Variants in DZIP3 observed in about 807,000 individuals in gnomAD.
DZIP3 encodes E3 ubiquitin-protein ligase DZIP3.
In DZIP3, 118 loss-of-function variants were observed where a neutral mutation model predicts 162.0. The observed-to-expected ratio is 0.73, with a 90% CI of 0.63 to 0.85. The LOEUF (loss-of-function observed/expected upper bound fraction) is 0.85, where lower values mean the gene tolerates loss of function less well. DZIP3 is among the 40% of genes least tolerant of loss of function. The probability of loss-of-function intolerance (pLI) is 0.00; values close to 1 mark genes in which losing one functional copy is unlikely to be tolerated. For synonymous variants in DZIP3, 438 were observed against 458.6 expected (o/e 0.96, Z 0.57); for missense variants, 1,331 against 1,407.0 (o/e 0.95, Z 0.86).
Position 108,653,505 on chromosome 3 carries a change from GTGTATATATATATATATA to G in DZIP3, c.2034-638_2034-621del, listed in dbSNP as rs1425385255. ...ATTGGTTAATTGCCATTGTGTGTGT[GTGTATATATATATATATA>G]TATATATATATATATATATGTAGTA... On this transcript the variant is annotated intron_variant, in intron 18 of 32. Coordinates refer to ENST00000361582, the MANE Select transcript of DZIP3 (RefSeq NM_014648.4). Among the ~76,000 whole-genome samples the G allele has an allele frequency of 2.4e-4, 16 of 67,838 alleles. 1 individual carries two copies. The highest frequency in any genetic ancestry group is 1.3e-3 in the Admixed American group (10 of 7,798). The allele number at this position is 67,838 out of a possible 152,430, so 44.5% of individuals were successfully genotyped here.
intron 1 of DZIP3, among the ~76,000 whole-genome samples, chr3:108,590,378 A>G (rs1402245269): frequency 6.6e-6 from 1 of 152,218 alleles, no homozygotes; most frequent in Admixed American, 6.5e-5. Flanking sequence ...TTCACTTCAA[A>G]AGAATTTTTT....
intron 32 of DZIP3, among the ~76,000 whole-genome samples, chr3:108,693,013 C>G (rs1305166523): frequency 6.6e-6 from 1 of 150,872 alleles, no homozygotes; most frequent in African/African-American, 2.4e-5. Context: ...GCTGGTGTGC[C>G]TGTCATGTGA....
At chr3:108,661,078 G>A (rs1212181696) in intron 19 of DZIP3, among the ~76,000 whole-genome samples, 3 of 152,170 alleles carry the variant, frequency 2.0e-5, no homozygotes, top group Admixed American at 6.5e-5. Flanking sequence ...TCCATGTGGC[G>A]ATTCCTCAGG....
At chr3:108,689,939 T>A (rs1052922247) in intron 31 of DZIP3, among the ~76,000 whole-genome samples, 12 of 152,340 alleles carry the variant, frequency 7.9e-5, no homozygotes, top group African/African-American at 2.9e-4. Context: ...ATATGATATG[T>A]GGTACCTGGT....
rs773478113 is a variant in DZIP3, at chr3:108,616,587, C to T, written c.305C>T (p.Ala102Val). ...CAGAATGGTGAGGAAATTGTTCCTGCTTTGACTTTACGTTTCTTGATTACA... is the reference window on the plus strand; with the variant it reads ...CAGAATGGTGAGGAAATTGTTCCTGTTTTGACTTTACGTTTCTTGATTACA... ...NSQNGEEIVPALTLRFLITQL... is the reference protein window; with the variant it reads ...NSQNGEEIVPVLTLRFLITQL... The change falls in exon 5 of 33, where the codon GCT becomes GTT. Residue 102 changes from alanine (A) to valine (V), a missense_variant. Physicochemically the swap from Ala to Val is moderately conservative, Grantham distance 64. Transcript: ENST00000361582. 1 of 1,609,280 alleles carries T rather than the reference C, an allele frequency of 6.2e-7. No individual in the cohort carries two copies. The highest frequency in any genetic ancestry group is 8.5e-7 in the Non-Finnish European group (1 of 1,177,964).
At chr3:108,672,372 A>G (rs1455892638) in intron 22 of DZIP3, among the ~76,000 whole-genome samples, 188 bp from the exon 23 acceptor site, 1 of 151,960 alleles carries the variant, frequency 6.6e-6, no homozygotes, top group Non-Finnish European at 1.5e-5. Flanking sequence ...TAAAACTTCT[A>G]TACTCTTGAT....
At chr3:108,639,377 A>C (rs769993374) in intron 12 of DZIP3, among the ~76,000 whole-genome samples, 3 of 152,204 alleles carry the variant, frequency 2.0e-5, no homozygotes, top group African/African-American at 4.8e-5. Flanking sequence ...ACAGGCCACT[A>C]ATTTGGCTAG....
rs116854090 is a variant in DZIP3 at position 108,654,139 on chromosome 3, C to T, written c.2034-6C>T. On this transcript the variant is annotated splice_polypyrimidine_tract_variant and splice_region_variant and intron_variant, in intron 18 of 32. Coordinates refer to ENST00000361582, the MANE Select transcript of DZIP3 (RefSeq NM_014648.4). ...AAAGCTCACATTGATTATGTCACGA[C>T]TACAGCCCATATGTGGTAGAAAAGG... The T allele has an allele frequency of 1.1e-4, 182 of 1,612,364 alleles. No homozygotes were observed. In the East Asian group the frequency reaches 3.5e-3, roughly 31 times the overall value.
In DZIP3 at chr3:108,688,687, G is replaced by A. The variant is rs1226854918; in HGVS notation, c.3365G>A (p.Arg1122Lys). ...DAAQPPKPAW[R>K]PLTSQGPATW... Reference sequence around the variant, plus strand: ...GCCCAGCCCCCAAAACCAGCCTGGAGGCCACTCACTTCACAGGGTCCTGCC... The same window carrying A: ...GCCCAGCCCCCAAAACCAGCCTGGAAGCCACTCACTTCACAGGGTCCTGCC... The change falls in exon 30 of 33, where the codon AGG becomes AAG. Residue 1122 changes from arginine to lysine, a missense_variant. Physicochemically the swap from Arg to Lys is conservative, Grantham distance 26 (BLOSUM62 2). Coordinates refer to ENST00000361582, the MANE Select transcript of DZIP3 (RefSeq NM_014648.4). 3 of 1,614,114 alleles carry A rather than the reference G, an allele frequency of 1.9e-6. No individual in the cohort carries two copies. The highest frequency in any genetic ancestry group is 1.7e-5 in the Admixed American group (1 of 60,024).
intron 18 of DZIP3, among the ~76,000 whole-genome samples, chr3:108,652,000 GT>G (rs962640351): frequency 6.6e-6 from 1 of 151,756 alleles, no homozygotes; most frequent in African/African-American, 2.4e-5. Flanking sequence ...TTTAAGTTGT[GT>G]TTTCACTTTC....
intron 32 of DZIP3, among the ~76,000 whole-genome samples, chr3:108,692,495 A>C (rs1176895519): frequency 6.6e-6 from 1 of 152,232 alleles, no homozygotes; most frequent in Non-Finnish European, 1.5e-5. Context: ...AGACTGTTGA[A>C]CAACTGTTGT....
chr3:108,618,790 C>T (rs143366070), intron 5 of DZIP3, among the ~76,000 whole-genome samples: 23 of 152,068 alleles, frequency 1.5e-4, no homozygotes, highest in African/African-American at 4.1e-4. Context: ...GGGCCGGGCG[C>T]GGTGGCTCAC....
At chr3:108,619,520 C>A (rs1941215430) in intron 5 of DZIP3, among the ~76,000 whole-genome samples, 3 of 151,988 alleles carry the variant, frequency 2.0e-5, no homozygotes. Context: ...GTTCTGAAGG[C>A]TAAGAACCAG....
At chr3:108,674,211 T>C in intron 24 of DZIP3, 30 bp downstream of exon 24, 1 of 1,567,206 alleles carries the variant, frequency 6.4e-7, no homozygotes, top group Non-Finnish European at 8.8e-7. Flanking sequence ...TAATGCATCT[T>C]AATTTTAGAG....
At chr3:108,589,948 A>C (rs1316153283) in intron 1 of DZIP3, 109 bp downstream of exon 1, 2 of 152,246 alleles carry the variant, frequency 1.3e-5, no homozygotes, top group Admixed American at 6.5e-5. Context: ...CGGGGATGGT[A>C]GTTTCTCAGA....
intron 21 of DZIP3, among the ~76,000 whole-genome samples, chr3:108,668,255 CA>C (rs1315449697): frequency 2.6e-5 from 4 of 152,052 alleles, no homozygotes; most frequent in African/African-American, 9.7e-5. Flanking sequence ...CTGCTGTCAA[CA>C]GTCTATAATA....
At chr3:108,686,610 G>T in intron 28 of DZIP3, 26 bp downstream of exon 28, 1 of 1,509,340 alleles carries the variant, frequency 6.6e-7, no homozygotes, top group South Asian at 1.4e-5. Flanking sequence ...TTTATTGGTG[G>T]GTACAGATCA....
chr3:108,660,259 G>T (rs567755516), intron 19 of DZIP3, among the ~76,000 whole-genome samples: 1 of 151,974 alleles, frequency 6.6e-6, no homozygotes, highest in Non-Finnish European at 1.5e-5. Context: ...CTACAGTAAC[G>T]AAAACAGCAT....
chr3:108,666,830 T>A (rs145558452), intron 21 of DZIP3, among the ~76,000 whole-genome samples: 48 of 152,190 alleles, frequency 3.2e-4, no homozygotes, highest in African/African-American at 1.1e-3. Context: ...GAAAATACAT[T>A]GAATTTACAT....
Sources: gnomAD v4.1 joint callset for allele counts (sites outside exome capture counted in the v4.1 genomes callset) on GRCh38, gnomAD v4.1.1 for gene constraint, MANE v1.5 for transcripts, NCBI Gene and HGNC (gene_info 2026-07-23, HGNC 2026-07-21) for gene names.